Variants in BMI1 observed in about 807,000 individuals in gnomAD.
BMI1 encodes polycomb complex protein BMI-1.
In BMI1, 9 loss-of-function variants were observed where a neutral mutation model predicts 39.1. The ratio of observed to expected loss-of-function variants is 0.23; its 90% CI spans 0.14 to 0.40. BMI1 has a LOEUF of 0.40. Ranked by LOEUF, BMI1 falls within the 10% of genes least tolerant of loss-of-function variation. BMI1 has a pLI of 1.00. For synonymous variants in BMI1, 131 were observed against 127.9 expected (o/e 1.02, Z -0.16); for missense variants, 252 against 390.8 (o/e 0.64, Z 2.99).
intron 3 of BMI1, among the ~76,000 whole-genome samples, 157 bp downstream of exon 3, chr10:22,327,143 A>G (rs1178660432): frequency 6.6e-6 from 1 of 152,222 alleles, no homozygotes; most frequent in African/African-American, 2.4e-5. Context: ...TTCTTGCCAT[A>G]TTAATGGTGA....
chr10:22,323,789 A>G (rs2132000710), intron 1 of BMI1, among the ~76,000 whole-genome samples: 1 of 152,344 alleles, frequency 6.6e-6, no homozygotes, highest in Non-Finnish European at 1.5e-5. Context: ...TGTTTGCTTA[A>G]CTGGCAGTTT....
intron 1 of BMI1, among the ~76,000 whole-genome samples, chr10:22,323,750 T>A (rs1303825991): frequency 6.6e-6 from 1 of 152,248 alleles, no homozygotes; most frequent in Non-Finnish European, 1.5e-5. Context: ...CGGTTGAGTA[T>A]TTTTACCATG....
intron 1 of BMI1, chr10:22,325,528 C>G (rs995497720): frequency 1.3e-4 from 20 of 150,848 alleles, no homozygotes; most frequent in African/African-American, 4.6e-4. Context: ...TCCCCGCTCC[C>G]CAGCGCTGTG....
rs1836265975 is a variant in BMI1, at chr10:22,330,759, TCTG to T, written c.*1220_*1222del. 1.3e-5 allele frequency: 2 copies of T among 152,614 alleles called. No individual in the cohort carries two copies. Among genetic ancestry groups the T allele is most frequent in the Non-Finnish European group, 2.9e-5 (2 of 68,004 alleles). 9.5% of individuals were successfully genotyped at this position (152,614 alleles called of 1,614,324 possible). A position where few individuals can be genotyped will look rare whatever the true frequency, so the allele number is the denominator to read the frequency against. On this transcript the variant is annotated 3_prime_UTR_variant, in exon 10 of 10. Transcript: ENST00000376663. ...ACAGTTAACAATGGAATATGCCTTC[TCTG>T]CTATGTCTGAAAATAGAAGCTATTT... is the stretch of plus-strand genomic sequence containing the variant.
In BMI1 at chr10:22,328,160, A is replaced by G. The variant is rs1564350878; in HGVS notation, c.452A>G (p.Lys151Arg). ...TTGGATCGGAAAGTAAACAAAGACAAAGAGAAATCTAAGGAGGAGGTATGT... is the reference window on the plus strand; with the variant it reads ...TTGGATCGGAAAGTAAACAAAGACAGAGAGAAATCTAAGGAGGAGGTATGT... ...NRLDRKVNKD[K>R]EKSKEEVNDK... The change falls in exon 7 of 10, where the codon AAA becomes AGA. Residue 151 changes from lysine to arginine, a missense_variant. Lys to Arg is a conservative substitution (Grantham distance 26, BLOSUM62 2). This residue lies in a region of BMI1 where 67 missense variants were observed against 69.9 expected (regional missense o/e 0.96). Transcript: ENST00000376663. 1.9e-6 allele frequency: 3 copies of G among 1,601,108 alleles called. No homozygotes were observed. The highest frequency in any genetic ancestry group is 2.6e-6 in the Non-Finnish European group (3 of 1,176,412).
chr10:22,329,210 T>G lies in BMI1; in HGVS notation c.652-3T>G. The G allele has an allele frequency of 1.2e-6, 2 of 1,612,912 alleles. No individual in the cohort carries two copies. The highest frequency in any genetic ancestry group is 1.7e-6 in the Non-Finnish European group (2 of 1,179,458). On this transcript the variant is annotated splice_polypyrimidine_tract_variant and splice_region_variant and intron_variant, in intron 9 of 9. Coordinates refer to ENST00000376663, the MANE Select transcript of BMI1 (RefSeq NM_005180.9). ...AGTAATTTTTTTCCTTTTAACTTTGTAGAATGGTCCACTTCCATTGAAATA... is the reference window on the plus strand; with the variant it reads ...AGTAATTTTTTTCCTTTTAACTTTGGAGAATGGTCCACTTCCATTGAAATA...
In BMI1 at chr10:22,329,365, CTCT is replaced by C. The variant is rs1836234740; in HGVS notation, c.809_811del (p.Ser270del). On this transcript the variant is annotated inframe_deletion, in exon 10 of 10. Transcript: ENST00000376663. ...GCCCAGCAGGAGGTATTCCCTCCAC[CTCT>C]TCTTGTTTGCCTAGCCCCAGTACTC... is the stretch of plus-strand genomic sequence containing the variant. 1 of 1,614,178 alleles carries C rather than the reference CTCT, an allele frequency of 6.2e-7. No individual in the cohort carries two copies. The highest frequency in any genetic ancestry group is 8.5e-7 in the Non-Finnish European group (1 of 1,180,026).
In BMI1 at chr10:22,326,874, CAT is replaced by C. The variant is rs779237394; in HGVS notation, c.113-15_113-14del. On this transcript the variant is annotated splice_polypyrimidine_tract_variant and intron_variant, in intron 2 of 9. Transcript: ENST00000376663. ...CATTTCTAAACATAAAAAAACTTCA[CAT>C]GTTCTACTTCTAGTCTGTAAAACGT... 36 of 1,611,668 alleles carry C rather than the reference CAT, an allele frequency of 2.2e-5. No homozygotes were observed. The South Asian group carries it at 3.0e-4, about 13-fold the overall frequency.
At chr10:22,323,790 C>G (rs1343929043) in intron 1 of BMI1, among the ~76,000 whole-genome samples, 1 of 152,176 alleles carries the variant, frequency 6.6e-6, no homozygotes, top group East Asian at 1.9e-4. Context: ...GTTTGCTTAA[C>G]TGGCAGTTTC....
intron 5 of BMI1, 43 bp from the exon 6 acceptor site, chr10:22,327,907 G>A: frequency 6.3e-7 from 1 of 1,580,170 alleles, no homozygotes; most frequent in South Asian, 1.2e-5. Flanking sequence ...AAATTTATTA[G>A]GCATCTGATT....
intron 1 of BMI1, among the ~76,000 whole-genome samples, 185 bp downstream of exon 1, chr10:22,321,881 G>GCGCCC (rs1207291359): frequency 7.0e-6 from 1 of 142,386 alleles, no homozygotes; most frequent in East Asian, 2.1e-4. Context: ...TGCCGGCCCC[G>GCGCCC]CGCGCCGCCC....
intron 1 of BMI1, among the ~76,000 whole-genome samples, chr10:22,324,723 A>G (rs1424500706): frequency 6.6e-6 from 1 of 152,254 alleles, no homozygotes; most frequent in Non-Finnish European, 1.5e-5. Context: ...ATTTCCATTC[A>G]AGGAAGATTT....
At chr10:22,322,134 C>T (rs1030190245) in intron 1 of BMI1, 3 of 152,168 alleles carry the variant, frequency 2.0e-5, no homozygotes, top group African/African-American at 7.2e-5. Context: ...TTTCCAGCCT[C>T]GGCGGCTCTC....
chr10:22,323,220 T>C (rs369691662), intron 1 of BMI1, among the ~76,000 whole-genome samples: 13 of 152,372 alleles, frequency 8.5e-5, no homozygotes, highest in African/African-American at 2.9e-4. Context: ...ATTTGAGTTT[T>C]AAGTAGACCG....
chr10:22,328,741 CAATTTT>C, intron 8 of BMI1, 43 bp downstream of exon 8: 1 of 1,515,076 alleles, frequency 6.6e-7, no homozygotes, highest in South Asian at 1.3e-5. Flanking sequence ...ATAGATTTTA[CAATTTT>C]AATTACATTT....
rs531706447 is a variant in BMI1 at position 22,322,349 on chromosome 10, G to A, written c.-20+653G>A. On this transcript the variant is annotated intron_variant, in intron 1 of 9. Coordinates refer to ENST00000376663, the MANE Select transcript of BMI1 (RefSeq NM_005180.9). ...TCCCGCCAAGGTGGGTGTTAGGCTG[G>A]AGAGAGCCCCGACGAAAATGTTATT... Among the ~76,000 whole-genome samples the A allele has an allele frequency of 2.4e-4, 36 of 152,334 alleles. 1 individual carries two copies. The highest frequency in any genetic ancestry group is 3.4e-3 in the Middle Eastern group (1 of 294).
At position 22,328,122 on chromosome 10, in the gene BMI1, T is replaced by C; in HGVS notation, c.426-12T>C. On this transcript the variant is annotated splice_polypyrimidine_tract_variant and intron_variant, in intron 6 of 9. Transcript: ENST00000376663. ...ATTAGATTGTTTCACTAATAAATTT[T>C]CTCTTTATTAGATTGGATCGGAAAG... The C allele has an allele frequency of 2.5e-6, 4 of 1,597,992 alleles. No homozygotes were observed. Among genetic ancestry groups the C allele is most frequent in the Non-Finnish European group, 8.5e-7 (1 of 1,175,598 alleles).
Position 22,323,461 on chromosome 10 carries a change from A to G in BMI1, c.-20+1765A>G, listed in dbSNP as rs766691975. 3.8e-4 allele frequency among the ~76,000 whole-genome samples: 58 copies of G among 152,354 alleles called. 1 individual carries two copies. The highest frequency in any genetic ancestry group is 3.4e-3 in the Middle Eastern group (1 of 294). On this transcript the variant is annotated intron_variant, in intron 1 of 9. Coordinates refer to ENST00000376663, the MANE Select transcript of BMI1 (RefSeq NM_005180.9). ...GCATTTAATTGTACATGATAAATCC[A>G]TTAATACTCTATCACTAACTTCTTG...
chr10:22,326,251 C>T (rs1001065063), intron 1 of BMI1, among the ~76,000 whole-genome samples, 180 bp from the exon 2 acceptor site: 1 of 152,020 alleles, frequency 6.6e-6, no homozygotes, highest in African/African-American at 2.4e-5. Flanking sequence ...GATCCTTTTG[C>T]ATCAGTTTGG....
Sources: allele counts gnomAD v4.1 joint callset (sites outside exome capture counted in the v4.1 genomes callset), GRCh38; gene constraint gnomAD v4.1.1; regional missense constraint gnomAD v4.1.1; transcripts MANE v1.5; gene names NCBI Gene and HGNC (gene_info 2026-07-23, HGNC 2026-07-21).